ORC1: variants seen among roughly 807,000 people sequenced by gnomAD.
The protein encoded by ORC1 is origin recognition complex subunit 1.
A neutral mutation model predicts 98.9 loss-of-function variants in ORC1; 61 were observed. The ratio of observed to expected loss-of-function variants is 0.62; its 90% CI spans 0.50 to 0.76. The LOEUF is 0.76. Ranked by LOEUF, ORC1 falls within the 30% of genes least tolerant of loss-of-function variation. The pLI is 0.00. For missense variants in ORC1, 979 were observed against 1,072.2 expected, an observed-to-expected ratio of 0.91 and a Z score of 1.21; for synonymous variants, 385 against 406.9, an observed-to-expected ratio of 0.95 and a Z score of 0.65.
At chr1:52,406,241 C>G (rs905862384), upstream of ORC1, among the ~76,000 whole-genome samples, 6 of 152,278 alleles carry the variant, frequency 3.9e-5, no homozygotes, top group East Asian at 7.7e-4. Flanking sequence ...CCCTCCCCCC[C>G]CGGGCCTCCC....
chr1:52,384,677 G>C lies in ORC1; in HGVS notation c.1628C>G (p.Thr543Ser). The change falls in exon 11 of 17, where the codon ACT becomes AGT. Residue 543 changes from threonine to serine, a missense_variant. Thr to Ser is a moderately conservative substitution (Grantham distance 58). Transcript: ENST00000371568. ...SGVPGTGKTATVHEVIRCLQQ... is the reference protein window; with the variant it reads ...SGVPGTGKTASVHEVIRCLQQ... ...CAGGCAGCGTATCACTTCATGAACA[G>C]TGGCAGTCTTCCCTGTCCCAGGGAC... is the stretch of plus-strand genomic sequence containing the variant. 1 of 1,614,044 alleles carries C rather than the reference G, an allele frequency of 6.2e-7. No homozygotes were observed. Among genetic ancestry groups the C allele is most frequent in the Non-Finnish European group, 8.5e-7 (1 of 1,179,982 alleles).
Position 52,384,578 on chromosome 1 carries a change from G to A in ORC1, c.1727C>T (p.Pro576Leu), listed in dbSNP as rs764186249. ...IEVNGMKLTE[P>L]HQVYVQILQK... ...CAAGATTTGCACATAGACTTGGTGG[G>A]GCTCCGTCAGCTTCATGCCATTGAC... The change falls in exon 11 of 17, where the codon CCC becomes CTC. Residue 576 changes from proline to leucine, a missense_variant. Transcript: ENST00000371568. 1 of 1,614,034 alleles carries A rather than the reference G, an allele frequency of 6.2e-7. No individual in the cohort carries two copies.
chr1:52,399,808 G>GTC (rs772359375), intron 3 of ORC1, among the ~76,000 whole-genome samples: 8 of 120,072 alleles, frequency 6.7e-5, no homozygotes, highest in Admixed American at 5.2e-4. Flanking sequence ...TTCTGTCACT[G>GTC]TCACACACAC....
chr1:52,390,916 A>AG (rs1485056299), intron 6 of ORC1, among the ~76,000 whole-genome samples: 8 of 151,318 alleles, frequency 5.3e-5, no homozygotes, highest in Admixed American at 3.3e-4. Context: ...AAAAAAAAAA[A>AG]AAGAAGAAGA....
At chr1:52,375,338 A>T in intron 15 of ORC1, 92 bp downstream of exon 15, 1 of 1,097,158 alleles carries the variant, frequency 9.1e-7, no homozygotes, top group Middle Eastern at 2.0e-4. Flanking sequence ...TAACTGTGTT[A>T]TTAATAAGTG....
intron 14 of ORC1, among the ~76,000 whole-genome samples, chr1:52,377,924 T>C (rs1464033484): frequency 6.6e-6 from 1 of 152,116 alleles, no homozygotes; most frequent in African/African-American, 2.4e-5. Flanking sequence ...ATCATAACTA[T>C]AGGATATAGA....
chr1:52,395,624 G>A (rs1380503203), intron 5 of ORC1, among the ~76,000 whole-genome samples: 2 of 152,144 alleles, frequency 1.3e-5, no homozygotes, highest in African/African-American at 2.4e-5. Flanking sequence ...ACCAGCCTGG[G>A]CAACATGGCA....
At chr1:52,406,281 C>T (rs1018291482), upstream of ORC1, among the ~76,000 whole-genome samples, 1 of 152,152 alleles carries the variant, frequency 6.6e-6, no homozygotes, top group Admixed American at 6.5e-5. Flanking sequence ...CATGAGCCAC[C>T]ACACCCTGCC....
intron 4 of ORC1, 44 bp downstream of exon 4, chr1:52,397,639 CAG>C: frequency 6.3e-7 from 1 of 1,585,804 alleles, no homozygotes; most frequent in Non-Finnish European, 8.7e-7. Context: ...AGGAGGCAGA[CAG>C]AAATAAGCTT....
At chr1:52,383,328 C>A in intron 13 of ORC1, 92 bp downstream of exon 13, 2 of 1,477,538 alleles carry the variant, frequency 1.4e-6, no homozygotes, top group South Asian at 2.3e-5. Flanking sequence ...GGTTTACAGG[C>A]GTGAGCCACC....
Position 52,396,195 on chromosome 1 carries a change from C to G in ORC1, c.572G>C (p.Arg191Thr). 6.8e-6 allele frequency: 11 copies of G among 1,614,164 alleles called. No homozygotes were observed. Among genetic ancestry groups the G allele is most frequent in the Non-Finnish European group, 9.3e-6 (11 of 1,180,030 alleles). Residue 191 changes from arginine to threonine, a missense_variant, in exon 5 of 17, where the codon AGA becomes ACA. Coordinates refer to ENST00000371568, the MANE Select transcript of ORC1 (RefSeq NM_004153.4). ...ESAAKCQKPV[R>T]AKSKSAESPS... is the part of the protein sequence containing the mutation. ...GCTCTCTGCACTCTTACTCTTGGCT[C>G]TCACGGGTTTCTGGCACTTGGCTGC...
chr1:52,403,329 C>A (rs1445200103), intron 1 of ORC1, among the ~76,000 whole-genome samples: 1 of 152,188 alleles, frequency 6.6e-6, no homozygotes, highest in East Asian at 1.9e-4. Flanking sequence ...TTGTAAGGTA[C>A]AGTGGTTTTA....
At chr1:52,374,390 TAG>T (rs1646969179) in intron 16 of ORC1, among the ~76,000 whole-genome samples, 1 of 152,250 alleles carries the variant, frequency 6.6e-6, no homozygotes, top group African/African-American at 2.4e-5. Flanking sequence ...AGCCAATTAC[TAG>T]AGTCTTAAGT....
chr1:52,397,202 T>C (rs1647444893), intron 4 of ORC1, among the ~76,000 whole-genome samples: 1 of 152,174 alleles, frequency 6.6e-6, no homozygotes, highest in Non-Finnish European at 1.5e-5. Flanking sequence ...CTGGGGAGCC[T>C]GAAGTCACTT....
intron 5 of ORC1, among the ~76,000 whole-genome samples, chr1:52,394,246 G>A (rs1487798462): frequency 2.0e-5 from 3 of 152,198 alleles, no homozygotes; most frequent in Non-Finnish European, 4.4e-5. Flanking sequence ...GAGAGAAGTG[G>A]GGTTCCTGGG....
intron 16 of ORC1, among the ~76,000 whole-genome samples, chr1:52,373,611 T>C (rs1335673831): frequency 6.6e-6 from 1 of 152,196 alleles, no homozygotes; most frequent in Non-Finnish European, 1.5e-5. Flanking sequence ...CCTAAATATG[T>C]AGACCTGGCC....
At chr1:52,387,376 G>A (rs1189966998) in intron 8 of ORC1, among the ~76,000 whole-genome samples, 4 of 152,180 alleles carry the variant, frequency 2.6e-5, no homozygotes, top group Non-Finnish European at 5.9e-5. Flanking sequence ...CCTGCCATCC[G>A]TAGAAAGTTT....
chr1:52,375,694 A>T, intron 14 of ORC1, 95 bp from the exon 15 acceptor site: 2 of 1,186,000 alleles, frequency 1.7e-6, no homozygotes, highest in South Asian at 2.4e-5. Context: ...GCGTAAAGTT[A>T]AGTACTTAGC....
At chr1:52,388,407 T>C in intron 8 of ORC1, 35 bp downstream of exon 8, 1 of 1,543,148 alleles carries the variant, frequency 6.5e-7, no homozygotes, top group Non-Finnish European at 9.0e-7. Context: ...AAGAGAGGGA[T>C]GCTTCAATGG....
Sources: gnomAD v4.1 joint callset for allele counts (sites outside exome capture counted in the v4.1 genomes callset) on GRCh38, gnomAD v4.1.1 for gene constraint, MANE v1.5 for transcripts, NCBI Gene and HGNC (gene_info 2026-07-23, HGNC 2026-07-21) for gene names.